LIMS1: variants seen among roughly 807,000 people sequenced by gnomAD.
LIMS1 encodes LIM zinc finger domain containing 1.
A neutral mutation model predicts 44.1 loss-of-function variants in LIMS1; 18 were observed. That is an observed-to-expected ratio of 0.41 (90% confidence interval 0.28 to 0.61). The LOEUF is 0.61. Among genes scored for constraint, LIMS1 ranks in the 20% least tolerant of loss-of-function variants. LIMS1 has a pLI of 0.32. For synonymous variants in LIMS1, 93 were observed against 149.1 expected, an observed-to-expected ratio of 0.62 and a Z score of 2.74; for missense variants, 201 against 422.0, an observed-to-expected ratio of 0.48 and a Z score of 4.59.
At chr2:108,625,408 A>C (rs1688503593) in intron 1 of LIMS1, among the ~76,000 whole-genome samples, 1 of 152,134 alleles carries the variant, frequency 6.6e-6, no homozygotes, top group Admixed American at 6.5e-5. Flanking sequence ...CCTTCACAGA[A>C]AACCTGGGCT....
At chr2:108,610,149 TGTGTGTGTGTGTGTGTGTG>T (rs1558807936) in intron 1 of LIMS1, among the ~76,000 whole-genome samples, 1 of 1,362 alleles carries the variant, frequency 7.3e-4, no homozygotes, top group Non-Finnish European at 1.3e-3. Flanking sequence ...TTACAAAAAA[TGTGTGTGTGTGTGTGTGTG>T]TGTGTGTGTG....
intron 2 of LIMS1, chr2:108,660,734 C>T (rs959624806): frequency 5.5e-6 from 1 of 182,464 alleles, no homozygotes; most frequent in African/African-American, 2.4e-5. Context: ...TACTGAAACT[C>T]CTTTCTCACA....
At chr2:108,637,099 A>G (rs78158161) in intron 1 of LIMS1, among the ~76,000 whole-genome samples, 2,571 of 98,580 alleles carry the variant, frequency 0.026, 58 homozygotes, top group East Asian at 0.2. Context: ...ATATACATAT[A>G]TGTGTGTGTG....
intron 1 of LIMS1, among the ~76,000 whole-genome samples, chr2:108,634,319 T>C (rs1689093652): frequency 5.3e-5 from 8 of 152,186 alleles, no homozygotes; most frequent in Admixed American, 5.2e-4. Flanking sequence ...ATTTAATGTC[T>C]ATACCAATGG....
chr2:108,644,715 A>G (rs1323113171), intron 1 of LIMS1, among the ~76,000 whole-genome samples: 1 of 152,124 alleles, frequency 6.6e-6, no homozygotes, highest in Admixed American at 6.5e-5. Flanking sequence ...CTAAAGGAAC[A>G]TGTGCTAACC....
intron 1 of LIMS1, among the ~76,000 whole-genome samples, chr2:108,611,303 T>G (rs1687584853): frequency 6.6e-6 from 1 of 152,176 alleles, no homozygotes; most frequent in Non-Finnish European, 1.5e-5. Context: ...TTATCACAGT[T>G]CTGGGCGCAT....
rs896144793 is a variant in LIMS1 at position 108,586,844 on chromosome 2, G to A, written c.32+52250G>A. Among the ~76,000 whole-genome samples the A allele has an allele frequency of 5.8e-4, 89 of 152,182 alleles. 1 individual carries two copies. Among genetic ancestry groups the A allele is most frequent in the Non-Finnish European group, 1.5e-4 (10 of 68,034 alleles). ...GGGTTTATGTCCATGACATAGGACT[G>A]TCCCTGCTGGGAATGGGGGAGGGAA... On this transcript the variant is annotated intron_variant, in intron 1 of 9. Coordinates refer to ENST00000544547, the Ensembl canonical transcript of LIMS1.
chr2:108,621,545 C>T (rs1688241949), intron 1 of LIMS1: 9 of 956,518 alleles, frequency 9.4e-6, no homozygotes, highest in Middle Eastern at 2.1e-4. Flanking sequence ...GTGGATGCAG[C>T]GTTGGGAAGT....
chr2:108,553,369 A>G (rs1370093514), intron 1 of LIMS1, among the ~76,000 whole-genome samples: 1 of 152,142 alleles, frequency 6.6e-6, no homozygotes, highest in Non-Finnish European at 1.5e-5. Context: ...TGTTATATAA[A>G]CTTGGAGAGC....
chr2:108,592,491 G>T (rs1471202804), intron 1 of LIMS1, among the ~76,000 whole-genome samples: 1 of 152,122 alleles, frequency 6.6e-6, no homozygotes, highest in African/African-American at 2.4e-5. Flanking sequence ...TGGAGAACAG[G>T]CAGAGATTCC....
chr2:108,654,961 G>A (rs1235923833), intron 1 of LIMS1: 27 of 1,503,202 alleles, frequency 1.8e-5, no homozygotes, highest in South Asian at 4.0e-5. Flanking sequence ...GCTGACGTGC[G>A]TGGGAACAGT....
chr2:108,575,224 G>T lies in LIMS1; in HGVS notation c.32+40630G>T, dbSNP rs887060673. On this transcript the variant is annotated intron_variant, in intron 1 of 9. Transcript: ENST00000544547. Reference sequence around the variant, plus strand: ...GTAACTTCCCCTCCAAGGTTGGGGAGGATGGAGGTGGGGTTTTTCAGCTTG... The same window carrying T: ...GTAACTTCCCCTCCAAGGTTGGGGATGATGGAGGTGGGGTTTTTCAGCTTG... 1.1e-3 allele frequency among the ~76,000 whole-genome samples: 163 copies of T among 152,078 alleles called. 1 individual carries two copies. Among genetic ancestry groups the T allele is most frequent in the Admixed American group, 0.011 (162 of 15,266 alleles).
Position 108,620,348 on chromosome 2 carries a change from C to G in LIMS1, c.33-39257C>G, listed in dbSNP as rs114595920. ...ATTGCCCAGAGAAAAATTCCTAGAA[C>G]CATTTAGTCAAACTACTGGCTAAGA... is the stretch of plus-strand genomic sequence containing the variant. On this transcript the variant is annotated intron_variant, in intron 1 of 9. Transcript: ENST00000544547. Among the ~76,000 whole-genome samples, 671 of 152,256 alleles carry G rather than the reference C, an allele frequency of 4.4e-3. 4 individuals carry two copies. The highest frequency in any genetic ancestry group is 0.014 in the South Asian group (66 of 4,812).
At chr2:108,597,885 G>A (rs1341397352) in intron 1 of LIMS1, among the ~76,000 whole-genome samples, 1 of 151,736 alleles carries the variant, frequency 6.6e-6, no homozygotes, top group Non-Finnish European at 1.5e-5. Flanking sequence ...GTAGAGACGG[G>A]GTTTCACTAT....
chr2:108,546,292 T>TTTTTA (rs1169373638), intron 1 of LIMS1, among the ~76,000 whole-genome samples: 1 of 149,210 alleles, frequency 6.7e-6, no homozygotes, highest in African/African-American at 2.5e-5. Context: ...TTTTTTTTTT[T>TTTTTA]AGGAGACAGA....
chr2:108,575,290 T>C (rs531314037), intron 1 of LIMS1, among the ~76,000 whole-genome samples: 5 of 151,762 alleles, frequency 3.3e-5, no homozygotes, highest in Admixed American at 6.6e-5. Flanking sequence ...CATAGTTATA[T>C]GCTCGTTAGA....
intron 1 of LIMS1, among the ~76,000 whole-genome samples, chr2:108,556,590 G>A (rs1277310042): frequency 6.6e-6 from 1 of 152,180 alleles, no homozygotes; most frequent in African/African-American, 2.4e-5. Context: ...ATTGGAAGAT[G>A]GACTTATGCT....
At chr2:108,535,042 G>A (rs901763092) in intron 1 of LIMS1, among the ~76,000 whole-genome samples, 3 of 152,170 alleles carry the variant, frequency 2.0e-5, no homozygotes, top group African/African-American at 7.2e-5. Flanking sequence ...GAATAAATCC[G>A]TGGTATGTTA....
chr2:108,535,812 T>C lies in LIMS1; in HGVS notation c.32+1218T>C, dbSNP rs941839889. Among the ~76,000 whole-genome samples the C allele has an allele frequency of 3.3e-5, 5 of 152,208 alleles. No homozygotes were observed. In the South Asian group the frequency reaches 1.0e-3, roughly 31 times the overall value. Reference sequence around the variant, plus strand: ...CACTTTGTTCAGTTTCAAGGAAGTGTCCGGCAATACAGGTTTAAATAACCC... The same window carrying C: ...CACTTTGTTCAGTTTCAAGGAAGTGCCCGGCAATACAGGTTTAAATAACCC... On this transcript the variant is annotated intron_variant, in intron 1 of 9. Coordinates refer to ENST00000544547, the Ensembl canonical transcript of LIMS1.
Sources: allele counts gnomAD v4.1 joint callset (sites outside exome capture counted in the v4.1 genomes callset), GRCh38; gene constraint gnomAD v4.1.1; transcripts MANE v1.5; gene names NCBI Gene and HGNC (gene_info 2026-07-23, HGNC 2026-07-21).